The following DRC11 variants were observed in gnomAD, a reference collection of about 807,000 sequenced individuals.
The protein encoded by DRC11 is IQ and AAA domain-containing protein 1.
chr2:236,373,332 C>T, the DRC11 span, among the ~76,000 whole-genome samples: 8 of 151,630 alleles, frequency 5.3e-5, no homozygotes, highest in East Asian at 1.2e-3. Flanking sequence ...TCTTGGCTCA[C>T]GCAACCTCCC....
chr2:236,419,247 G>C, the DRC11 span: 1 of 1,532,350 alleles, frequency 6.5e-7, no homozygotes, highest in Non-Finnish European at 8.8e-7. This position sits in a 1 kb window ranked among gnomAD's most constrained non-coding sequence, Gnocchi z 4.8. Context: ...TCTTCCTCTT[G>C]GTTTGCTATG....
chr2:236,320,579 T>C, the DRC11 span, among the ~76,000 whole-genome samples: 1,321 of 152,292 alleles, frequency 8.7e-3, 20 homozygotes, highest in African/African-American at 0.031. Flanking sequence ...TTTTCAGCAA[T>C]GCCCTGACAT....
chr2:236,506,736 T>G, the DRC11 span, among the ~76,000 whole-genome samples: 2 of 152,334 alleles, frequency 1.3e-5, no homozygotes, highest in African/African-American at 4.8e-5. This position sits in a 1 kb window ranked among gnomAD's most constrained non-coding sequence, Gnocchi z 4.9. Flanking sequence ...GAAGACCAAA[T>G]GAGGTAACTT....
chr2:236,487,901 A>ATT, the DRC11 span: 1 of 704,772 alleles, frequency 1.4e-6, no homozygotes, highest in African/African-American at 1.9e-5. Flanking sequence ...TAAGGGTAGG[A>ATT]TTTGGTGTTT....
chr2:236,335,007 G>A, the DRC11 span, among the ~76,000 whole-genome samples: 2 of 151,158 alleles, frequency 1.3e-5, no homozygotes, highest in African/African-American at 2.5e-5. This position sits in a 1 kb window ranked among gnomAD's most constrained non-coding sequence, Gnocchi z 5.6. Context: ...CTTGGTCTGG[G>A]GGAAAGAAGG....
the DRC11 span, among the ~76,000 whole-genome samples, chr2:236,430,729 G>C: frequency 6.6e-6 from 1 of 152,194 alleles, no homozygotes; most frequent in African/African-American, 2.4e-5. This position sits in a 1 kb window ranked among gnomAD's most constrained non-coding sequence, Gnocchi z 6.0. Context: ...ATGCACATTT[G>C]TAATACTGTT....
At chr2:236,400,673 C>T in the DRC11 span, among the ~76,000 whole-genome samples, 35,237 of 152,084 alleles carry the variant, frequency 0.23, 4,279 homozygotes, top group African/African-American at 0.29. This position sits in a 1 kb window ranked among gnomAD's most constrained non-coding sequence, Gnocchi z 7.9. Flanking sequence ...AGTTGGGTGG[C>T]GCGGGCGTGC....
the DRC11 span, among the ~76,000 whole-genome samples, chr2:236,346,944 C>T: frequency 1.3e-5 from 2 of 152,208 alleles, no homozygotes; most frequent in Non-Finnish European, 2.9e-5. Context: ...GGAGGAGCAT[C>T]TCAAGTGAGC....
the DRC11 span, among the ~76,000 whole-genome samples, chr2:236,384,580 G>A: frequency 1.4e-4 from 22 of 152,242 alleles, no homozygotes; most frequent in South Asian, 2.9e-3. Context: ...AGATGAGTAG[G>A]TTGCGAAAAT....
chr2:236,392,098 T>C, the DRC11 span: 20 of 1,600,460 alleles, frequency 1.2e-5, no homozygotes, highest in Non-Finnish European at 1.7e-5. The surrounding 1 kb of genome is among the most constrained non-coding windows in gnomAD (Gnocchi z 5.1). Context: ...CATACTACTT[T>C]TAAGTCACTT....
chr2:236,365,318 C>T, the DRC11 span, among the ~76,000 whole-genome samples: 270 of 152,058 alleles, frequency 1.8e-3, 1 homozygote, highest in African/African-American at 6.3e-3. This position sits in a 1 kb window ranked among gnomAD's most constrained non-coding sequence, Gnocchi z 7.4. Context: ...CTGCTCCCCG[C>T]GGAGGACTCA....
chr2:236,313,237 G>T, the DRC11 span, among the ~76,000 whole-genome samples: 4 of 152,022 alleles, frequency 2.6e-5, no homozygotes, highest in African/African-American at 9.7e-5. The surrounding 1 kb of genome is among the most constrained non-coding windows in gnomAD (Gnocchi z 4.5). Context: ...TCTCATTTAA[G>T]AACATAGATG....
chr2:236,505,604 T>C, the DRC11 span, among the ~76,000 whole-genome samples: 1 of 152,174 alleles, frequency 6.6e-6, no homozygotes, highest in Non-Finnish European at 1.5e-5. Flanking sequence ...TTTCATCTGA[T>C]GCTGTCACCA....
chr2:236,391,250 CT>C, the DRC11 span: 1 of 152,230 alleles, frequency 6.6e-6, no homozygotes, highest in Non-Finnish European at 1.5e-5. The surrounding 1 kb of genome is among the most constrained non-coding windows in gnomAD (Gnocchi z 4.5). Flanking sequence ...TGCATGGCCC[CT>C]GATCTAGCAA....
chr2:236,492,831 T>C, the DRC11 span, among the ~76,000 whole-genome samples: 3 of 152,078 alleles, frequency 2.0e-5, no homozygotes, highest in African/African-American at 7.2e-5. Flanking sequence ...AAGACAGCTG[T>C]GGAAACAGGA....
chr2:236,387,484 C>T, the DRC11 span, among the ~76,000 whole-genome samples: 1 of 151,312 alleles, frequency 6.6e-6, no homozygotes, highest in African/African-American at 2.4e-5. Context: ...AGGATTGCAA[C>T]CCCTGCCTTT....
chr2:236,491,052 A>ATATATATG, the DRC11 span, among the ~76,000 whole-genome samples: 3 of 139,620 alleles, frequency 2.1e-5, no homozygotes, highest in Admixed American at 7.4e-5. Flanking sequence ...TACAGTATAT[A>ATATATATG]TATATATACA....
At chr2:236,405,576 C>A in the DRC11 span, among the ~76,000 whole-genome samples, 1 of 151,970 alleles carries the variant, frequency 6.6e-6, no homozygotes, top group East Asian at 1.9e-4. The surrounding 1 kb of genome is among the most constrained non-coding windows in gnomAD (Gnocchi z 4.6). Context: ...GCTTTCTCAT[C>A]GGCCTCTCAC....
the DRC11 span, among the ~76,000 whole-genome samples, chr2:236,445,464 C>A: frequency 6.6e-6 from 1 of 151,774 alleles, no homozygotes; most frequent in African/African-American, 2.4e-5. This position sits in a 1 kb window ranked among gnomAD's most constrained non-coding sequence, Gnocchi z 4.8. Context: ...TCCCGAGTAG[C>A]TGGGACTACA....
Sources: gnomAD v4.1 joint callset for allele counts (sites outside exome capture counted in the v4.1 genomes callset) on GRCh38, gnomAD v4.1.1 for gene constraint, Gnocchi (gnomAD v3.1) non-coding constraint, MANE v1.5 for transcripts, NCBI Gene and HGNC (gene_info 2026-07-23, HGNC 2026-07-21) for gene names.